PIK3R3: variants seen among roughly 807,000 people sequenced by gnomAD.
The protein encoded by PIK3R3 is phosphatidylinositol 3-kinase regulatory subunit gamma.
Under a neutral mutation model 62.9 loss-of-function variants are expected in PIK3R3, and 64 were observed. That is an observed-to-expected ratio of 1.02 (90% CI 0.83 to 1.25). The LOEUF is 1.25. PIK3R3 is among the 50% of genes most tolerant of loss of function. PIK3R3 has a pLI of 0.00. For synonymous variants in PIK3R3, 165 were observed against 189.0 expected (o/e 0.87, Z 1.04); for missense variants, 614 against 561.6 (o/e 1.09, Z -0.94).
At chr1:46,077,466 C>T (rs1318702845) in intron 3 of PIK3R3, 49 bp downstream of exon 3, 1 of 930,860 alleles carries the variant, frequency 1.1e-6, no homozygotes. Context: ...ATACCCAGAA[C>T]TAAAATAACA....
chr1:46,080,295 C>T lies in PIK3R3; in HGVS notation c.215+347G>A, dbSNP rs562645762. 5.3e-5 allele frequency among the ~76,000 whole-genome samples: 8 copies of T among 151,812 alleles called. No individual in the cohort carries two copies. The East Asian group carries it at 1.2e-3, about 22-fold the overall frequency. ...CAGGCTGGTCTCAAACTCCTGAGCT[C>T]GGGCAATCCACCCACCTCAGCCTCC... On this transcript the variant is annotated intron_variant, in intron 2 of 9. Transcript: ENST00000262741.
At chr1:46,145,123 C>CAAAA in the PIK3R3 span, among the ~76,000 whole-genome samples, 1 of 78,592 alleles carries the variant, frequency 1.3e-5, no homozygotes, top group African/African-American at 4.5e-5. Flanking sequence ...AACTCCACCT[C>CAAAA]AAAAAAAAAA....
At chr1:46,049,355 C>T (rs948242595) in intron 7 of PIK3R3, among the ~76,000 whole-genome samples, 1 of 152,088 alleles carries the variant, frequency 6.6e-6, no homozygotes, top group African/African-American at 2.4e-5. Flanking sequence ...CAGTCTAAGA[C>T]AAAAGGATTA....
chr1:46,140,842 G>T, the PIK3R3 span, among the ~76,000 whole-genome samples: 1 of 151,530 alleles, frequency 6.6e-6, no homozygotes, highest in Non-Finnish European at 1.5e-5. Flanking sequence ...TTTGTTTTTT[G>T]TTTTTTTGTT....
chr1:46,080,599 CT>C, intron 2 of PIK3R3, 42 bp downstream of exon 2: 1 of 1,334,514 alleles, frequency 7.5e-7, no homozygotes. Context: ...TCAAAAATGA[CT>C]TTTTAAAAAA....
chr1:46,156,047 G>C, the PIK3R3 span, among the ~76,000 whole-genome samples: 1 of 152,024 alleles, frequency 6.6e-6, no homozygotes, highest in African/African-American at 2.4e-5. Flanking sequence ...ACATGAAAAA[G>C]AGTAAAATTT....
chr1:46,134,501 A>G (rs1655857615), upstream of PIK3R3: 1 of 152,220 alleles, frequency 6.6e-6, no homozygotes, highest in Non-Finnish European at 1.5e-5. Context: ...AGGACTCATT[A>G]ATTATAATTT....
Position 46,042,157 on chromosome 1 carries a change from T to C in PIK3R3, c.*1516A>G, listed in dbSNP as rs564340940. On this transcript the variant is annotated 3_prime_UTR_variant, in exon 10 of 10. Transcript: ENST00000262741. The surrounding 1 kb of genome is among the most constrained non-coding windows in gnomAD (Gnocchi z 4.3). ...CTGGACTCTATTTGTCAAATGAGTG[T>C]TGACTGATGGGTGTGGGGCATGATG... 24 of 220,808 alleles carry C rather than the reference T, an allele frequency of 1.1e-4. No homozygotes were observed. The highest frequency in any genetic ancestry group is 4.7e-4 in the African/African-American group (21 of 44,730). The allele number at this position is 220,808 out of a possible 1,614,324, so 13.7% of individuals were successfully genotyped here.
At chr1:46,045,617 C>G (rs867566812) in intron 9 of PIK3R3, among the ~76,000 whole-genome samples, 1 of 21,202 alleles carries the variant, frequency 4.7e-5, no homozygotes, top group African/African-American at 2.2e-4. Flanking sequence ...CAATTAAGTG[C>G]TTTTTTTTTT....
chr1:46,061,965 C>A lies in PIK3R3; in HGVS notation c.728G>T (p.Arg243Leu), dbSNP rs778971217. Residue 243 changes from arginine (R) to leucine (L), a missense_variant, in exon 6 of 10, where the codon CGA becomes CTA. Transcript: ENST00000262741. ...QEQHSKEYIE[R>L]FRREGNEKEI... ...CTTTTCATTCCCCTCTCTGCGAAAT[C>A]GCTCAATATATTCTTTGCTATGTTG... 2 of 1,613,434 alleles carry A rather than the reference C, an allele frequency of 1.2e-6. No homozygotes were observed. The highest frequency in any genetic ancestry group is 8.5e-7 in the Non-Finnish European group (1 of 1,179,422).
intron 1 of PIK3R3, among the ~76,000 whole-genome samples, chr1:46,093,161 TG>T (rs1303347788): frequency 7.2e-5 from 11 of 152,220 alleles, no homozygotes; most frequent in Non-Finnish European, 1.2e-4. Context: ...GTATTATTCT[TG>T]TGTTAGGAAA....
At chr1:46,131,723 T>C (rs777837369) in intron 1 of PIK3R3, 124 bp downstream of exon 1, 1 of 753,840 alleles carries the variant, frequency 1.3e-6, no homozygotes, top group Non-Finnish European at 2.1e-6. Flanking sequence ...CAGCTGTAAC[T>C]GCAAATCTCC....
intron 3 of PIK3R3, among the ~76,000 whole-genome samples, chr1:46,069,796 C>T (rs916276606): frequency 1.3e-5 from 2 of 152,096 alleles, no homozygotes; most frequent in African/African-American, 4.8e-5. Flanking sequence ...AAGGAAGAAT[C>T]AGCAAAGGAA....
intron 1 of PIK3R3, among the ~76,000 whole-genome samples, chr1:46,129,402 T>TTTTTTTAGTTAG (rs201992905): frequency 1.3e-3 from 150 of 117,400 alleles, no homozygotes; most frequent in Admixed American, 6.0e-3. Flanking sequence ...ATTGGGGGAT[T>TTTTTTTAGTTAG]TTATTTATTT....
At chr1:46,169,337 G>C in the PIK3R3 span, among the ~76,000 whole-genome samples, 9 of 152,196 alleles carry the variant, frequency 5.9e-5, no homozygotes, top group African/African-American at 1.9e-4. Flanking sequence ...GGTTGTGGGC[G>C]TAAGATTTAT....
At chr1:46,167,187 C>G in the PIK3R3 span, among the ~76,000 whole-genome samples, 2 of 152,270 alleles carry the variant, frequency 1.3e-5, no homozygotes, top group East Asian at 1.9e-4. Flanking sequence ...AGCGCTGGCG[C>G]CGGGTGCGCC....
At chr1:46,083,602 C>A (rs1387155707) in intron 1 of PIK3R3, among the ~76,000 whole-genome samples, 2 of 151,778 alleles carry the variant, frequency 1.3e-5, no homozygotes, top group Non-Finnish European at 2.9e-5. Flanking sequence ...GACAAATGAC[C>A]CAATTAAATA....
chr1:46,131,620 C>CCCCCTT, intron 1 of PIK3R3: 1 of 322,810 alleles, frequency 3.1e-6, no homozygotes, highest in Non-Finnish European at 6.3e-6. Context: ...CCTCCCACCC[C>CCCCCTT]CACTTCCAGC....
At chr1:46,088,020 G>C (rs1184478235) in intron 1 of PIK3R3, among the ~76,000 whole-genome samples, 1 of 152,148 alleles carries the variant, frequency 6.6e-6, no homozygotes, top group Non-Finnish European at 1.5e-5. Flanking sequence ...AAAAGTTCTG[G>C]AGGTGGATGG....
Sources: allele counts gnomAD v4.1 joint callset (sites outside exome capture counted in the v4.1 genomes callset), GRCh38; gene constraint gnomAD v4.1.1; non-coding constraint Gnocchi (gnomAD v3.1); transcripts MANE v1.5; gene names NCBI Gene and HGNC (gene_info 2026-07-23, HGNC 2026-07-21).